The following HCN2 variants were observed in gnomAD, a reference collection of about 807,000 sequenced individuals.
HCN2 encodes hyperpolarization activated cyclic nucleotide gated potassium and sodium channel 2, also known as potassium/sodium hyperpolarization-activated cyclic nucleotide-gated channel 2.
HCN2 carries 20 observed loss-of-function variants against 52.3 expected under a neutral mutation model. The observed-to-expected ratio is 0.38, with a 90% CI of 0.27 to 0.56. HCN2 has a LOEUF of 0.56. HCN2 is among the 20% of genes least tolerant of loss of function. The pLI is 0.71. For synonymous variants in HCN2, 694 were observed against 537.0 expected, an observed-to-expected ratio of 1.29 and a Z score of -4.04; for missense variants, 981 against 1,207.7, an observed-to-expected ratio of 0.81 and a Z score of 2.78.
At position 592,835 on chromosome 19, in the gene HCN2, G is replaced by A. The variant is rs1275861517; in HGVS notation, c.632+2258G>A. Among the ~76,000 whole-genome samples, 1 of 152,134 alleles carries A rather than the reference G, an allele frequency of 6.6e-6. No homozygotes were observed. Among genetic ancestry groups the A allele is most frequent in the Non-Finnish European group, 1.5e-5 (1 of 68,010 alleles). ...TTGGGGCAGCCCACAGCAAGCGAAG[G>A]GGCCTCTACGTTTGCAGCTGACTCA... On this transcript the variant is annotated intron_variant, in intron 1 of 7. Coordinates refer to ENST00000251287, the MANE Select transcript of HCN2 (RefSeq NM_001194.4). This position sits in a 1 kb window ranked among gnomAD's most constrained non-coding sequence, Gnocchi z 4.8.
At chr19:606,928 T>C (rs1161227854) in intron 3 of HCN2, among the ~76,000 whole-genome samples, 3 of 101,506 alleles carry the variant, frequency 3.0e-5, no homozygotes, top group African/African-American at 6.8e-5. Context: ...TCCCAGCACT[T>C]TGGGAGGCCG....
Position 591,732 on chromosome 19 carries a change from C to T in HCN2, c.632+1155C>T, listed in dbSNP as rs972941574. Among the ~76,000 whole-genome samples, 1 of 152,148 alleles carries T rather than the reference C, an allele frequency of 6.6e-6. No individual in the cohort carries two copies. Among genetic ancestry groups the T allele is most frequent in the Non-Finnish European group, 1.5e-5 (1 of 68,014 alleles). On this transcript the variant is annotated intron_variant, in intron 1 of 7. Transcript: ENST00000251287. This position sits in a 1 kb window ranked among gnomAD's most constrained non-coding sequence, Gnocchi z 4.1. ...TGCGGTTTTCCCGCCTGTCTCTCCT[C>T]CTCCAGGCCTGGGCGCCCCAGGACA...
intron 4 of HCN2, 28 bp downstream of exon 4, chr19:608,210 G>A: frequency 6.3e-7 from 1 of 1,597,654 alleles, no homozygotes; most frequent in Non-Finnish European, 8.6e-7. Context: ...CCCGGCCTGG[G>A]TTCTGATGGG....
intron 7 of HCN2, among the ~76,000 whole-genome samples, chr19:615,551 C>T (rs762457718): frequency 4.6e-5 from 7 of 152,234 alleles, no homozygotes; most frequent in African/African-American, 9.6e-5. Context: ...TTTCTGTATG[C>T]AGGTGCTTCA....
chr19:598,727 G>A (rs1021808523), intron 1 of HCN2, among the ~76,000 whole-genome samples: 4 of 152,084 alleles, frequency 2.6e-5, no homozygotes, highest in Admixed American at 6.5e-5. Flanking sequence ...TCAGCCTCCC[G>A]AGTAGCTGGG....
rs374739767 is a variant in HCN2, at chr19:610,248, C to T, written c.1438-11C>T. 314 of 1,612,194 alleles carry T rather than the reference C, an allele frequency of 1.9e-4. No homozygotes were observed. The highest frequency in any genetic ancestry group is 2.5e-4 in the Non-Finnish European group (291 of 1,179,294). On this transcript the variant is annotated splice_polypyrimidine_tract_variant and intron_variant, in intron 4 of 7. Coordinates refer to ENST00000251287, the MANE Select transcript of HCN2 (RefSeq NM_001194.4). ...GGCGGTGTCTGACCCAGCCTCGCCT[C>T]CTCCCCACAGTACAAGCAGGTGGAG...
rs756220435 is a variant in HCN2 at position 592,492 on chromosome 19, C to T, written c.632+1915C>T. 3.3e-5 allele frequency among the ~76,000 whole-genome samples: 5 copies of T among 152,150 alleles called. No individual in the cohort carries two copies. Among genetic ancestry groups the T allele is most frequent in the African/African-American group, 4.8e-5 (2 of 41,426 alleles). On this transcript the variant is annotated intron_variant, in intron 1 of 7. Transcript: ENST00000251287. The surrounding 1 kb of genome is among the most constrained non-coding windows in gnomAD (Gnocchi z 4.8). ...TGGAGGCCTGGGCAGGCTGTGGCCC[C>T]GCTCTGTGCTCTGAGGCATAGAGGG...
chr19:600,908 GACAGAAACCGC>G (rs1983181814), intron 1 of HCN2, among the ~76,000 whole-genome samples: 1 of 152,042 alleles, frequency 6.6e-6, no homozygotes, highest in African/African-American at 2.4e-5. Context: ...CATTCCCCCG[GACAGAAACCGC>G]ACCCCGCACA....
chr19:608,201 C>T lies in HCN2; in HGVS notation c.1437+19C>T. The T allele has an allele frequency of 6.2e-7, 1 of 1,607,618 alleles. No individual in the cohort carries two copies. The highest frequency in any genetic ancestry group is 1.3e-5 in the African/African-American group (1 of 74,838). ...GGAGAAGGTCTGAGGGAGGCGGGCCCCGGCCTGGGTTCTGATGGGGGAGGC... is the reference window on the plus strand; with the variant it reads ...GGAGAAGGTCTGAGGGAGGCGGGCCTCGGCCTGGGTTCTGATGGGGGAGGC... On this transcript the variant is annotated intron_variant, in intron 4 of 7. Coordinates refer to ENST00000251287, the MANE Select transcript of HCN2 (RefSeq NM_001194.4).
At chr19:607,886 G>T in intron 3 of HCN2, 78 bp from the exon 4 acceptor site, 1 of 1,086,572 alleles carries the variant, frequency 9.2e-7, no homozygotes. Context: ...GCAGAGGGTG[G>T]GCGCTGGGCC....
chr19:614,880 G>A (rs957127209), intron 7 of HCN2, among the ~76,000 whole-genome samples: 33 of 152,162 alleles, frequency 2.2e-4, no homozygotes, highest in African/African-American at 6.3e-4. Flanking sequence ...GAGAGATGGC[G>A]GCTCATGCTG....
At position 610,059 on chromosome 19, in the gene HCN2, A is replaced by G. The variant is rs1415431377; in HGVS notation, c.1438-200A>G. 2.0e-5 allele frequency among the ~76,000 whole-genome samples: 3 copies of G among 149,080 alleles called. No homozygotes were observed. In the East Asian group the frequency reaches 5.9e-4, roughly 29 times the overall value. ...TTGTCTGACCCAGCCCTGACCCCCCACAGTACAAGCAGGTGTGAAGGCCTA... is the reference window on the plus strand; with the variant it reads ...TTGTCTGACCCAGCCCTGACCCCCCGCAGTACAAGCAGGTGTGAAGGCCTA... On this transcript the variant is annotated intron_variant, in intron 4 of 7. Transcript: ENST00000251287.
chr19:596,423 C>G (rs1983032027), intron 1 of HCN2, among the ~76,000 whole-genome samples: 1 of 152,106 alleles, frequency 6.6e-6, no homozygotes. Context: ...GGAAGGTTTC[C>G]CCAGGGACCC....
intron 7 of HCN2, among the ~76,000 whole-genome samples, chr19:614,759 G>C (rs866737622): frequency 1.3e-5 from 2 of 152,234 alleles, no homozygotes; most frequent in Middle Eastern, 3.4e-3. Flanking sequence ...TGGTCAGATT[G>C]TATCCGCCAA....
chr19:610,125 A>AG, intron 4 of HCN2, 134 bp from the exon 5 acceptor site: 2 of 1,013,706 alleles, frequency 2.0e-6, no homozygotes, highest in Non-Finnish European at 3.0e-6. Flanking sequence ...ACCCACAAGC[A>AG]GGTGCCCGTG....
intron 6 of HCN2, among the ~76,000 whole-genome samples, 157 bp from the exon 7 acceptor site, chr19:613,695 G>C (rs1207941253): frequency 9.6e-6 from 1 of 104,276 alleles, no homozygotes; most frequent in Non-Finnish European, 2.4e-5. Context: ...ATGGGGCCGG[G>C]GATGGGGCCG....
At chr19:595,256 C>T (rs940090375) in intron 1 of HCN2, among the ~76,000 whole-genome samples, 12 of 151,950 alleles carry the variant, frequency 7.9e-5, no homozygotes, top group African/African-American at 2.4e-4. Context: ...TCATCAGCCC[C>T]CCACTCACTT....
chr19:612,427 T>TGTGTGTGTGTGTGTGTGTGTGTGTGG, intron 5 of HCN2, among the ~76,000 whole-genome samples: 2 of 142,256 alleles, frequency 1.4e-5, no homozygotes, highest in African/African-American at 5.3e-5. Flanking sequence ...TGTGTGTGTG[T>TGTGTGTGTGTGTGTGTGTGTGTGTGG]GAGAGAGAGA....
At position 610,253 on chromosome 19, in the gene HCN2, C is replaced by T. The variant is rs1049235740; in HGVS notation, c.1438-6C>T. On this transcript the variant is annotated splice_polypyrimidine_tract_variant and splice_region_variant and intron_variant, in intron 4 of 7. Transcript: ENST00000251287. Reference sequence around the variant, plus strand: ...TGTCTGACCCAGCCTCGCCTCCTCCCCACAGTACAAGCAGGTGGAGCAGTA... The same window carrying T: ...TGTCTGACCCAGCCTCGCCTCCTCCTCACAGTACAAGCAGGTGGAGCAGTA... 4 of 1,613,032 alleles carry T rather than the reference C, an allele frequency of 2.5e-6. No individual in the cohort carries two copies. The highest frequency in any genetic ancestry group is 2.2e-5 in the South Asian group (2 of 91,058).
Sources: gnomAD v4.1 joint callset for allele counts (sites outside exome capture counted in the v4.1 genomes callset) on GRCh38, gnomAD v4.1.1 for gene constraint, Gnocchi (gnomAD v3.1) non-coding constraint, MANE v1.5 for transcripts, NCBI Gene and HGNC (gene_info 2026-07-23, HGNC 2026-07-21) for gene names.